TMEM273: variants seen among roughly 807,000 people sequenced by gnomAD.
The protein encoded by TMEM273 is transmembrane protein 273, also known as chromosome 10 open reading frame 128.
Under a neutral mutation model 17.9 loss-of-function variants are expected in TMEM273, and 19 were observed. The observed-to-expected ratio is 1.06, with a 90% CI of 0.74 to 1.55. The LOEUF (loss-of-function observed/expected upper bound fraction) is 1.55, where lower values mean the gene tolerates loss of function less well. Among genes scored for constraint, TMEM273 ranks in the 40% most tolerant of loss-of-function variants. TMEM273 has a pLI of 0.00. For synonymous variants in TMEM273, 66 were observed against 62.0 expected (o/e 1.07, Z -0.31); for missense variants, 194 against 155.6 (o/e 1.25, Z -1.31).
intron 1 of TMEM273, among the ~76,000 whole-genome samples, chr10:49,179,855 C>A (rs985841475): frequency 6.6e-6 from 1 of 152,180 alleles, no homozygotes; most frequent in South Asian, 2.1e-4. Context: ...GAAGACAAGA[C>A]TTTTAGGTGA....
intron 1 of TMEM273, among the ~76,000 whole-genome samples, chr10:49,185,622 A>G (rs1343964484): frequency 6.6e-6 from 1 of 152,214 alleles, no homozygotes; most frequent in Admixed American, 6.5e-5. Context: ...AACAACATAT[A>G]CAATCATTAT....
Position 49,154,781 on chromosome 10 carries a change from T to C in TMEM273, c.*1111A>G, listed in dbSNP as rs1130075. The C allele has an allele frequency of 6.6e-6, 1 of 152,232 alleles. No homozygotes were observed. Among genetic ancestry groups the C allele is most frequent in the African/African-American group, 2.4e-5 (1 of 41,462 alleles). 9.4% of individuals were successfully genotyped at this position (152,232 alleles called of 1,614,324 possible). A position where few individuals can be genotyped will look rare whatever the true frequency, so the allele number is the denominator to read the frequency against. On this transcript the variant is annotated 3_prime_UTR_variant, in exon 7 of 7. Transcript: ENST00000374153. ...TTTATCCTACACACAGAAAATTGCT[T>C]ATGAGTATCACATTACCGCTCTTGG...
intron 3 of TMEM273, among the ~76,000 whole-genome samples, chr10:49,166,269 G>T (rs1171524898): frequency 2.6e-5 from 4 of 152,196 alleles, no homozygotes; most frequent in Non-Finnish European, 5.9e-5. Flanking sequence ...CACTTTGGGT[G>T]CCAAGGAGGC....
At chr10:49,186,058 A>AAGT (rs1847662526) in intron 1 of TMEM273, among the ~76,000 whole-genome samples, 1 of 149,760 alleles carries the variant, frequency 6.7e-6, no homozygotes. Context: ...GAAGAGGAAG[A>AAGT]AGAAGAAGAG....
chr10:49,173,544 C>G (rs538596836), intron 1 of TMEM273, among the ~76,000 whole-genome samples: 1 of 152,198 alleles, frequency 6.6e-6, no homozygotes, highest in Non-Finnish European at 1.5e-5. Context: ...CTCTGAAAGT[C>G]CCCCTTGCTC....
At chr10:49,160,671 G>A (rs1277173076) in intron 6 of TMEM273, 2 of 152,140 alleles carry the variant, frequency 1.3e-5, no homozygotes, top group Non-Finnish European at 2.9e-5. Context: ...AGTGGTCACT[G>A]TATTGTGATT....
intron 1 of TMEM273, among the ~76,000 whole-genome samples, chr10:49,174,065 T>C (rs1846776405): frequency 6.6e-6 from 1 of 152,194 alleles, no homozygotes; most frequent in Non-Finnish European, 1.5e-5. Context: ...GCTTCCCTTT[T>C]TTCATCTGAA....
At chr10:49,161,535 C>A (rs1564621095) in intron 6 of TMEM273, 64 bp downstream of exon 6, 3 of 1,607,630 alleles carry the variant, frequency 1.9e-6, no homozygotes. Flanking sequence ...AAAACCCATG[C>A]AGCCCCATGG....
At chr10:49,167,610 G>A (rs1846278216) in intron 2 of TMEM273, among the ~76,000 whole-genome samples, 1 of 152,246 alleles carries the variant, frequency 6.6e-6, no homozygotes, top group African/African-American at 2.4e-5. Context: ...TGAGGGCTGT[G>A]AGCCTGGCAA....
intron 1 of TMEM273, among the ~76,000 whole-genome samples, chr10:49,168,911 G>C (rs1271889187): frequency 1.3e-5 from 2 of 152,150 alleles, no homozygotes; most frequent in Non-Finnish European, 2.9e-5. Flanking sequence ...ACGGACACTG[G>C]GTGCAGTGCT....
chr10:49,162,524 G>T (rs1235333288), intron 5 of TMEM273, among the ~76,000 whole-genome samples: 1 of 152,208 alleles, frequency 6.6e-6, no homozygotes, highest in East Asian at 1.9e-4. Context: ...CTCAATGTGT[G>T]CCAGGAATTC....
intron 1 of TMEM273, among the ~76,000 whole-genome samples, chr10:49,174,819 G>C (rs759214861): frequency 1.5e-4 from 23 of 152,132 alleles, no homozygotes; most frequent in Non-Finnish European, 2.2e-4. Context: ...CAGACCACTT[G>C]CTTGGCAACT....
chr10:49,157,006 A>T (rs900472372), intron 6 of TMEM273, among the ~76,000 whole-genome samples: 1 of 152,210 alleles, frequency 6.6e-6, no homozygotes, highest in Admixed American at 6.5e-5. Flanking sequence ...TTAGAGGCCC[A>T]GAGGCTGAGC....
At chr10:49,171,430 C>T (rs1846562110) in intron 1 of TMEM273, among the ~76,000 whole-genome samples, 3 of 152,250 alleles carry the variant, frequency 2.0e-5, no homozygotes, top group African/African-American at 2.4e-5. Context: ...ACCTGTGTAG[C>T]TTCCATGTGT....
chr10:49,168,315 T>G (rs939736795), intron 1 of TMEM273, among the ~76,000 whole-genome samples: 1 of 152,146 alleles, frequency 6.6e-6, no homozygotes, highest in Non-Finnish European at 1.5e-5. Flanking sequence ...GGGAATCTCC[T>G]GCCCTGCCTC....
rs547372613 is a variant in TMEM273, at chr10:49,171,536, C to T, written c.44-3574G>A. On this transcript the variant is annotated intron_variant, in intron 1 of 6. Transcript: ENST00000374153. ...TAGAGTTTCTGCTTTCTCCCTGATG[C>T]CCCATTTGGACCTGGTACTCTGTGC... Among the ~76,000 whole-genome samples, 3 of 152,344 alleles carry T rather than the reference C, an allele frequency of 2.0e-5. No individual in the cohort carries two copies. In the South Asian group the frequency reaches 6.2e-4, roughly 32 times the overall value.
chr10:49,181,797 C>T (rs1847355885), intron 1 of TMEM273, among the ~76,000 whole-genome samples: 2 of 151,656 alleles, frequency 1.3e-5, no homozygotes, highest in Non-Finnish European at 2.9e-5. Flanking sequence ...ACTTCTGAGA[C>T]ATGCTATCAA....
At chr10:49,184,000 G>A (rs538945933) in intron 1 of TMEM273, among the ~76,000 whole-genome samples, 8 of 151,212 alleles carry the variant, frequency 5.3e-5, no homozygotes, top group Admixed American at 2.6e-4. Context: ...AAGTGGCACA[G>A]AAGATGAAGC....
At chr10:49,165,726 A>T in intron 4 of TMEM273, 40 bp downstream of exon 4, 1 of 1,612,544 alleles carries the variant, frequency 6.2e-7, no homozygotes, top group Non-Finnish European at 8.5e-7. Flanking sequence ...ACAGGAGAGA[A>T]CACGATACCT....
Sources: allele counts gnomAD v4.1 joint callset (sites outside exome capture counted in the v4.1 genomes callset), GRCh38; gene constraint gnomAD v4.1.1; transcripts MANE v1.5; gene names NCBI Gene and HGNC (gene_info 2026-07-23, HGNC 2026-07-21).